Variants in SORCS2 observed in about 807,000 individuals in gnomAD.
SORCS2 encodes VPS10 domain-containing receptor SorCS2.
Under a neutral mutation model 141.6 loss-of-function variants are expected in SORCS2, and 100 were observed. The observed-to-expected ratio is 0.71, with a 90% CI of 0.60 to 0.83. The LOEUF (loss-of-function observed/expected upper bound fraction) is 0.83. Among genes scored for constraint, SORCS2 ranks in the 40% least tolerant of loss-of-function variants. SORCS2 has a pLI of 0.00. For missense variants in SORCS2, 1,646 were observed against 1,560.2 expected, an observed-to-expected ratio of 1.05 and a Z score of -0.93; for synonymous variants, 789 against 676.9, an observed-to-expected ratio of 1.17 and a Z score of -2.57.
intron 5 of SORCS2, among the ~76,000 whole-genome samples, chr4:7,658,117 C>T (rs917515618): frequency 2.8e-5 from 4 of 145,042 alleles, no homozygotes; most frequent in Non-Finnish European, 4.5e-5. Flanking sequence ...GTGAGTGAGT[C>T]GGTGATTGAG....
chr4:7,497,524 C>T (rs1731702957), intron 2 of SORCS2, among the ~76,000 whole-genome samples: 1 of 152,232 alleles, frequency 6.6e-6, no homozygotes, highest in African/African-American at 2.4e-5. Flanking sequence ...CCCGTGGGGG[C>T]CCAACCAGGG....
intron 8 of SORCS2, among the ~76,000 whole-genome samples, chr4:7,673,360 A>G (rs1308713384): frequency 1.3e-5 from 2 of 152,242 alleles, no homozygotes; most frequent in Admixed American, 1.3e-4. Context: ...ATCTGTGTCT[A>G]GAAATGTTCA....
At chr4:7,618,802 T>A (rs1463384504) in intron 3 of SORCS2, among the ~76,000 whole-genome samples, 2 of 151,608 alleles carry the variant, frequency 1.3e-5, no homozygotes, top group African/African-American at 2.4e-5. Context: ...GAGAGTATAT[T>A]ATTGCTTTTA....
At chr4:7,666,114 C>T (rs1053147758) in intron 7 of SORCS2, among the ~76,000 whole-genome samples, 2 of 151,852 alleles carry the variant, frequency 1.3e-5, no homozygotes, top group Non-Finnish European at 2.9e-5. Flanking sequence ...AAGGGAGGGG[C>T]GATTCAGGGG....
chr4:7,685,314 G>A (rs879276003), intron 10 of SORCS2, among the ~76,000 whole-genome samples: 15 of 152,106 alleles, frequency 9.9e-5, no homozygotes, highest in African/African-American at 2.9e-4. Context: ...GTGGGAACCC[G>A]ACTGGGCACG....
chr4:7,497,319 A>G (rs1034393970), intron 2 of SORCS2, among the ~76,000 whole-genome samples: 1 of 152,344 alleles, frequency 6.6e-6, no homozygotes, highest in Middle Eastern at 3.4e-3. Flanking sequence ...ACAGCGTGGC[A>G]GGGTTGGTGC....
intron 1 of SORCS2, among the ~76,000 whole-genome samples, chr4:7,222,438 C>G (rs1728763893): frequency 6.6e-6 from 1 of 152,232 alleles, no homozygotes; most frequent in Admixed American, 6.5e-5. Context: ...ATAGAGACAG[C>G]CATAGGGACG....
chr4:7,334,311 T>G (rs1719849728), intron 1 of SORCS2, among the ~76,000 whole-genome samples: 1 of 151,832 alleles, frequency 6.6e-6, no homozygotes, highest in Admixed American at 6.6e-5. Context: ...CAGCCTGCCT[T>G]CCTTCCCCAT....
intron 3 of SORCS2, among the ~76,000 whole-genome samples, chr4:7,627,462 C>A (rs1719586415): frequency 6.6e-6 from 1 of 152,206 alleles, no homozygotes; most frequent in Non-Finnish European, 1.5e-5. Flanking sequence ...CATGAACTCC[C>A]ATGCCATGGG....
chr4:7,544,054 AC>A (rs1713051174), intron 3 of SORCS2, among the ~76,000 whole-genome samples: 1 of 144,650 alleles, frequency 6.9e-6, no homozygotes, highest in Non-Finnish European at 1.5e-5. Flanking sequence ...CCATCCAGCC[AC>A]CCACCCATCC....
chr4:7,717,490 C>T (rs1182551491), intron 17 of SORCS2, among the ~76,000 whole-genome samples: 1 of 152,208 alleles, frequency 6.6e-6, no homozygotes, highest in Non-Finnish European at 1.5e-5. Context: ...TTCTCATGAA[C>T]GCAGTGATTA....
intron 2 of SORCS2, chr4:7,433,872 G>T (rs554868027): frequency 6.2e-7 from 1 of 1,613,896 alleles, no homozygotes; most frequent in East Asian, 2.2e-5. Context: ...CCAAGATGAT[G>T]CACTCCTTCG....
At chr4:7,384,624 G>A (rs1177438784) in intron 1 of SORCS2, among the ~76,000 whole-genome samples, 1 of 152,236 alleles carries the variant, frequency 6.6e-6, no homozygotes, top group African/African-American at 2.4e-5. Flanking sequence ...TCTCAACCCA[G>A]CTGAACGTCC....
chr4:7,332,964 G>T (rs372829846), intron 1 of SORCS2, among the ~76,000 whole-genome samples: 25,041 of 152,198 alleles, frequency 0.16, 2,605 homozygotes, highest in East Asian at 0.42. Context: ...TATTTACCCA[G>T]CGGAGTTTTG....
chr4:7,273,421 G>C (rs1409417758), intron 1 of SORCS2, among the ~76,000 whole-genome samples: 1 of 152,150 alleles, frequency 6.6e-6, no homozygotes, highest in African/African-American at 2.4e-5. Flanking sequence ...ATCATTGCTG[G>C]AGGGCTGCTT....
At chr4:7,570,423 C>T (rs919355885) in intron 3 of SORCS2, among the ~76,000 whole-genome samples, 8 of 152,248 alleles carry the variant, frequency 5.3e-5, no homozygotes, top group African/African-American at 1.9e-4. Context: ...TGTCACTAGT[C>T]ACTGAGGGTT....
chr4:7,591,107 G>A (rs1007609099), intron 3 of SORCS2, among the ~76,000 whole-genome samples: 5 of 152,138 alleles, frequency 3.3e-5, no homozygotes, highest in African/African-American at 1.2e-4. Flanking sequence ...GGGATGAAGT[G>A]GGCACCGGGC....
chr4:7,621,515 TTATG>T (rs1461117338), intron 3 of SORCS2, among the ~76,000 whole-genome samples: 7 of 151,098 alleles, frequency 4.6e-5, no homozygotes, highest in South Asian at 2.1e-4. Context: ...GTCTGTATGT[TTATG>T]TGTGTGTCTA....
intron 1 of SORCS2, among the ~76,000 whole-genome samples, chr4:7,386,199 A>T (rs1307716795): frequency 1.6e-5 from 2 of 128,924 alleles, no homozygotes; most frequent in East Asian, 4.7e-4. Context: ...ACACACATAC[A>T]CATTTGCACA....
Sources: allele counts gnomAD v4.1 joint callset (sites outside exome capture counted in the v4.1 genomes callset), GRCh38; gene constraint gnomAD v4.1.1; transcripts MANE v1.5; gene names NCBI Gene and HGNC (gene_info 2026-07-23, HGNC 2026-07-21).